PDE3B: variants seen among roughly 807,000 people sequenced by gnomAD.
PDE3B encodes cGMP-inhibited 3',5'-cyclic phosphodiesterase 3B.
Under a neutral mutation model 116.8 loss-of-function variants are expected in PDE3B, and 66 were observed. The ratio of observed to expected loss-of-function variants is 0.56; its 90% CI spans 0.46 to 0.69. The LOEUF is 0.69. PDE3B is among the 30% of genes least tolerant of loss of function. The probability of loss-of-function intolerance (pLI) is 0.00; values close to 1 mark genes in which losing one functional copy is unlikely to be tolerated. For synonymous variants in PDE3B, 595 were observed against 533.6 expected (o/e 1.12, Z -1.59); for missense variants, 1,384 against 1,368.1 (o/e 1.01, Z -0.18).
chr11:14,702,344 T>A lies in PDE3B; in HGVS notation c.978+57291T>A, dbSNP rs73412636. Among the ~76,000 whole-genome samples, 756 of 152,010 alleles carry A rather than the reference T, an allele frequency of 5.0e-3. 7 individuals are homozygous for A. Among genetic ancestry groups the A allele is most frequent in the African/African-American group, 0.018 (739 of 41,552 alleles). On this transcript the variant is annotated intron_variant, in intron 1 of 15. Transcript: ENST00000282096. ...ATTCCTCCTACTTCCTAATTTCTTT[T>A]GGCACATTTTGGTCTTTGCTTTTCT...
intron 7 of PDE3B, among the ~76,000 whole-genome samples, chr11:14,824,288 G>A (rs1194583065): frequency 6.6e-6 from 1 of 152,156 alleles, no homozygotes; most frequent in Non-Finnish European, 1.5e-5. Flanking sequence ...TCTTAACCAG[G>A]CTGAGCTGGC....
intron 1 of PDE3B, among the ~76,000 whole-genome samples, chr11:14,664,054 A>G (rs1353272643): frequency 6.6e-6 from 1 of 152,244 alleles, no homozygotes; most frequent in Non-Finnish European, 1.5e-5. Context: ...AGCAGAAATT[A>G]TAACAAGCTG....
intron 1 of PDE3B, among the ~76,000 whole-genome samples, chr11:14,748,229 A>G (rs1352705095): frequency 1.3e-5 from 2 of 152,168 alleles, no homozygotes; most frequent in Admixed American, 6.5e-5. Flanking sequence ...GTAATTCCCT[A>G]TTTGTGATGG....
intron 1 of PDE3B, chr11:14,673,793 C>G: frequency 1.2e-6 from 1 of 823,896 alleles, no homozygotes; most frequent in Non-Finnish European, 2.2e-6. Context: ...ACACCTGGGA[C>G]ATGGGTGCCT....
At chr11:14,677,054 A>T (rs1854551313) in intron 1 of PDE3B, among the ~76,000 whole-genome samples, 1 of 152,176 alleles carries the variant, frequency 6.6e-6, no homozygotes, top group Non-Finnish European at 1.5e-5. Flanking sequence ...TTTGTTGAAA[A>T]GACTTGACAC....
chr11:14,758,371 T>G (rs567303477), intron 1 of PDE3B, among the ~76,000 whole-genome samples: 1 of 135,874 alleles, frequency 7.4e-6, no homozygotes, highest in African/African-American at 2.8e-5. Flanking sequence ...GGGGATGGCA[T>G]TGAATCTGTA....
At chr11:14,784,222 A>G (rs146284255) in intron 2 of PDE3B, among the ~76,000 whole-genome samples, 1 of 152,366 alleles carries the variant, frequency 6.6e-6, no homozygotes, top group East Asian at 1.9e-4. Context: ...AGGAAATTAT[A>G]AAAGAAGGAC....
At position 14,715,827 on chromosome 11, in the gene PDE3B, C is replaced by A. The variant is rs189229031; in HGVS notation, c.979-56110C>A. ...GGAGTGGTGAGAGAGGGCATTGCGA[C>A]ACTATTAACAGTAGCAAAGACTTGG... On this transcript the variant is annotated intron_variant, in intron 1 of 15. Transcript: ENST00000282096. Among the ~76,000 whole-genome samples the A allele has an allele frequency of 3.9e-5, 6 of 152,240 alleles. No homozygotes were observed. In the East Asian group the frequency reaches 1.2e-3, roughly 29 times the overall value.
At chr11:14,829,711 G>C (rs1191785033) in intron 7 of PDE3B, among the ~76,000 whole-genome samples, 1 of 151,986 alleles carries the variant, frequency 6.6e-6, no homozygotes, top group East Asian at 1.9e-4. Flanking sequence ...GTGGGAGAAG[G>C]AAGAAAATCA....
intron 1 of PDE3B, among the ~76,000 whole-genome samples, chr11:14,664,340 T>C (rs6486200): frequency 0.66 from 99,591 of 151,816 alleles, 32,947 homozygotes; most frequent in African/African-American, 0.74. Flanking sequence ...GACACCCTAA[T>C]ATCACAATTA....
chr11:14,692,801 C>T (rs1855083229), intron 1 of PDE3B, among the ~76,000 whole-genome samples: 1 of 152,094 alleles, frequency 6.6e-6, no homozygotes, highest in Non-Finnish European at 1.5e-5. Flanking sequence ...GATTAATAAT[C>T]CTACAGTGGC....
At chr11:14,738,561 G>A (rs1856666289) in intron 1 of PDE3B, among the ~76,000 whole-genome samples, 1 of 151,796 alleles carries the variant, frequency 6.6e-6, no homozygotes. Flanking sequence ...CATTCTCTAG[G>A]TTGACTTTTC....
intron 4 of PDE3B, among the ~76,000 whole-genome samples, chr11:14,801,399 C>T (rs766615925): frequency 3.3e-5 from 5 of 152,240 alleles, no homozygotes; most frequent in East Asian, 1.9e-4. Flanking sequence ...CCTTTGCTTC[C>T]GGTCTGCTGC....
chr11:14,800,597 T>G (rs964408249), intron 4 of PDE3B, among the ~76,000 whole-genome samples: 2 of 152,234 alleles, frequency 1.3e-5, no homozygotes. Flanking sequence ...CATTTTTTCC[T>G]TCATTTCAAC....
chr11:14,871,871 A>G lies in PDE3B; in HGVS notation c.*2211A>G, dbSNP rs1848146419. On this transcript the variant is annotated 3_prime_UTR_variant, in exon 16 of 16. Coordinates refer to ENST00000282096, the MANE Select transcript of PDE3B (RefSeq NM_000922.4). ...ATGAAATCTTACTTGAGAAATTGCCATAAGCCATATTACAGATCTTACTTT... is the reference window on the plus strand; with the variant it reads ...ATGAAATCTTACTTGAGAAATTGCCGTAAGCCATATTACAGATCTTACTTT... 6.6e-6 allele frequency: 1 copy of G among 151,212 alleles called. No individual in the cohort carries two copies. The allele number at this position is 151,212 out of a possible 1,614,324, so 9.4% of individuals were successfully genotyped here. A position where few individuals can be genotyped will look rare whatever the true frequency, so the allele number is the denominator to read the frequency against.
intron 1 of PDE3B, among the ~76,000 whole-genome samples, chr11:14,681,298 A>G (rs1189264532): frequency 1.3e-5 from 2 of 152,106 alleles, no homozygotes; most frequent in East Asian, 3.9e-4. Flanking sequence ...CTGTGTTCCC[A>G]CCCAAATCTC....
intron 7 of PDE3B, among the ~76,000 whole-genome samples, chr11:14,825,349 AT>A (rs1859654898): frequency 1.3e-5 from 2 of 152,166 alleles, no homozygotes; most frequent in African/African-American, 4.8e-5. Context: ...GGCAAACTGG[AT>A]TTTAAAAAAA....
At chr11:14,844,228 A>G (rs1847538986) in intron 12 of PDE3B, among the ~76,000 whole-genome samples, 2 of 152,236 alleles carry the variant, frequency 1.3e-5, no homozygotes, top group South Asian at 4.1e-4. Context: ...CTTGAACTAG[A>G]AAATAATAGA....
At chr11:14,662,780 C>G (rs1365627790) in intron 1 of PDE3B, among the ~76,000 whole-genome samples, 1 of 152,140 alleles carries the variant, frequency 6.6e-6, no homozygotes, top group African/African-American at 2.4e-5. Flanking sequence ...AAGAAACGAA[C>G]AAAGCCTCCA....
Sources: allele counts gnomAD v4.1 joint callset (sites outside exome capture counted in the v4.1 genomes callset), GRCh38; gene constraint gnomAD v4.1.1; transcripts MANE v1.5; gene names NCBI Gene and HGNC (gene_info 2026-07-23, HGNC 2026-07-21).